FYCO1: variants seen among roughly 807,000 people sequenced by gnomAD.
FYCO1 encodes FYVE and coiled-coil domain autophagy adaptor 1.
A neutral mutation model predicts 165.1 loss-of-function variants in FYCO1; 122 were observed. The observed-to-expected ratio is 0.74, with a 90% confidence interval of 0.64 to 0.86. FYCO1 has a LOEUF of 0.86. Among genes scored for constraint, FYCO1 ranks in the 40% least tolerant of loss-of-function variants. FYCO1 has a pLI of 0.00. For synonymous variants in FYCO1, 648 were observed against 742.5 expected (o/e 0.87, Z 2.07); for missense variants, 1,702 against 1,810.3 (o/e 0.94, Z 1.09).
At chr3:45,922,671 G>T (rs932665671) in intron 17 of FYCO1, among the ~76,000 whole-genome samples, 1 of 152,166 alleles carries the variant, frequency 6.6e-6, no homozygotes, top group Non-Finnish European at 1.5e-5. Context: ...AGGGGCAGGA[G>T]GGGGTGAGGT....
In FYCO1 at chr3:45,967,168, C is replaced by T. The variant is rs771127410; in HGVS notation, c.2166G>A (p.Leu722=). Residue 722 remains leucine, a synonymous_variant, in exon 8 of 18, where the codon CTG becomes CTA. Coordinates refer to ENST00000296137, the MANE Select transcript of FYCO1 (RefSeq NM_024513.4). ...LREEVEQCQQ[L]AEARHRELRA... is the part of the protein sequence containing the mutation. Reference sequence around the variant, plus strand: ...TAAGCTCTCTGTGCCGGGCTTCTGCCAGTTGCTGGCACTGCTCCACCTCCT... The same window carrying T: ...TAAGCTCTCTGTGCCGGGCTTCTGCTAGTTGCTGGCACTGCTCCACCTCCT... The T allele has an allele frequency of 6.2e-7, 1 of 1,613,436 alleles. No individual in the cohort carries two copies. Among genetic ancestry groups the T allele is most frequent in the Non-Finnish European group, 8.5e-7 (1 of 1,179,494 alleles).
rs1702971688 is a variant in FYCO1, at chr3:45,918,084, T to C, written c.*3681A>G. ...TAATTCTTTGGCAGATAAGAATGAATTGGGGTCCCAGACCCACCATCCCGT... is the reference window on the plus strand; with the variant it reads ...TAATTCTTTGGCAGATAAGAATGAACTGGGGTCCCAGACCCACCATCCCGT... On this transcript the variant is annotated 3_prime_UTR_variant, in exon 18 of 18. Transcript: ENST00000296137. 1.3e-5 allele frequency: 2 copies of C among 152,614 alleles called. No individual in the cohort carries two copies. Among genetic ancestry groups the C allele is most frequent in the Admixed American group, 6.5e-5 (1 of 15,280 alleles). 9.5% of individuals were successfully genotyped at this position (152,614 alleles called of 1,614,324 possible).
rs1179173562 is a variant in FYCO1, at chr3:45,967,262, A to C, written c.2072T>G (p.Met691Arg). ...LLAVRKAKEA[M>R]KAQMAEKEAI... Reference sequence around the variant, plus strand: ...CTCCTTCTCTGCCATCTGGGCTTTCATGGCCTCCTTGGCCTTCCTTACAGC... The same window carrying C: ...CTCCTTCTCTGCCATCTGGGCTTTCCTGGCCTCCTTGGCCTTCCTTACAGC... The change falls in exon 8 of 18, where the codon ATG becomes AGG. Residue 691 changes from methionine to arginine, a missense_variant. Met to Arg is a moderately conservative substitution (Grantham distance 91). Transcript: ENST00000296137. The C allele has an allele frequency of 1.2e-6, 2 of 1,614,022 alleles. No homozygotes were observed. The highest frequency in any genetic ancestry group is 1.7e-6 in the Non-Finnish European group (2 of 1,180,000).
At position 45,967,041 on chromosome 3, in the gene FYCO1, G is replaced by A. The variant is rs372227118; in HGVS notation, c.2293C>T (p.Arg765Cys). 32 of 1,613,352 alleles carry A rather than the reference G, an allele frequency of 2.0e-5. No individual in the cohort carries two copies. Among genetic ancestry groups the A allele is most frequent in the South Asian group, 4.4e-5 (4 of 91,078 alleles). ...GVGPPTDNEARELAAQLALSQ... is the reference protein window; with the variant it reads ...GVGPPTDNEACELAAQLALSQ... Reference sequence around the variant, plus strand: ...AGGGCTAGCTGGGCAGCCAGCTCACGGGCTTCATTGTCAGTGGGTGGGCCA... The same window carrying A: ...AGGGCTAGCTGGGCAGCCAGCTCACAGGCTTCATTGTCAGTGGGTGGGCCA... The change falls in exon 8 of 18, where the codon CGT becomes TGT. Residue 765 changes from arginine (R) to cysteine (C), a missense_variant. Physicochemically the swap from Arg to Cys is radical, Grantham distance 180. Transcript: ENST00000296137.
In FYCO1 at chr3:45,936,681, G is replaced by A. The variant is rs576225940; in HGVS notation, c.3945-138C>T. 1.4e-4 allele frequency: 103 copies of A among 716,860 alleles called. No homozygotes were observed. The African/African-American group carries it at 1.6e-3, about 11-fold the overall frequency. The allele number at this position is 716,860 out of a possible 1,614,324, so 44.4% of individuals were successfully genotyped here. A position where few individuals can be genotyped will look rare whatever the true frequency, so the allele number is the denominator to read the frequency against. On this transcript the variant is annotated intron_variant, in intron 14 of 17. Transcript: ENST00000296137. ...TCCTTTAATCATAGAGGCCATGACA[G>A]AGACCCTGGCAGATTTTGTGGGTAG...
Position 45,968,214 on chromosome 3 carries a change from T to C in FYCO1, c.1120A>G (p.Met374Val). 1.9e-6 allele frequency: 3 copies of C among 1,614,032 alleles called. No individual in the cohort carries two copies. The highest frequency in any genetic ancestry group is 2.5e-6 in the Non-Finnish European group (3 of 1,180,032). The change falls in exon 8 of 18, where the codon ATG becomes GTG. Residue 374 changes from methionine (M) to valine (V), a missense_variant. Coordinates refer to ENST00000296137, the MANE Select transcript of FYCO1 (RefSeq NM_024513.4). ...HLASFPGWLAMAQQKADTASD... is the reference protein window; with the variant it reads ...HLASFPGWLAVAQQKADTASD... ...GCCGTATCTGCCTTCTGCTGAGCCA[T>C]GGCTAGCCAGCCTGGGAAGCTGGCT...
At chr3:45,952,156 G>A (rs1705069318) in intron 14 of FYCO1, among the ~76,000 whole-genome samples, 1 of 152,218 alleles carries the variant, frequency 6.6e-6, no homozygotes, top group African/African-American at 2.4e-5. Context: ...GAGGTCACGT[G>A]TAAGAGCAGC....
At chr3:45,936,339 T>C in intron 15 of FYCO1, 109 bp downstream of exon 15, 1 of 753,150 alleles carries the variant, frequency 1.3e-6, no homozygotes, top group Non-Finnish European at 2.4e-6. Flanking sequence ...GAAGCCCCAC[T>C]GGTATTAAGT....
rs764209557 is a variant in FYCO1 at position 45,923,688 on chromosome 3, G to C, written c.4329C>G (p.Ile1443Met). The change falls in exon 17 of 18, where the codon ATC becomes ATG. Residue 1443 changes from isoleucine to methionine, a missense_variant. Transcript: ENST00000296137. ...AGGTATTGTCGAAGATGAGCATGTA[G>C]ATGCCGGGTGTGCGAACCTTGAGCT... ...QGQLKVRTPG[I>M]YMLIFDNTFS... is the part of the protein sequence containing the mutation. 1 of 1,614,168 alleles carries C rather than the reference G, an allele frequency of 6.2e-7. No individual in the cohort carries two copies. The highest frequency in any genetic ancestry group is 8.5e-7 in the Non-Finnish European group (1 of 1,179,960).
At chr3:45,930,616 C>G (rs1315774891) in intron 16 of FYCO1, among the ~76,000 whole-genome samples, 1 of 152,196 alleles carries the variant, frequency 6.6e-6, no homozygotes, top group East Asian at 1.9e-4. Flanking sequence ...AGATTTCAAG[C>G]TCGACCACCC....
chr3:45,945,037 T>C (rs570624629), intron 14 of FYCO1: 1 of 152,294 alleles, frequency 6.6e-6, no homozygotes, highest in South Asian at 2.1e-4. Flanking sequence ...TAAGCAGTCT[T>C]AGCCCAAAGG....
rs141636907 is a variant in FYCO1, at chr3:45,925,695, C to A, written c.4252-1930G>T. ...AGGACTCTTGTGGTTTAATGGTGAT[C>A]ACAGAGAAGAAAACATTCAGTTACA... On this transcript the variant is annotated intron_variant, in intron 16 of 17. Coordinates refer to ENST00000296137, the MANE Select transcript of FYCO1 (RefSeq NM_024513.4). Among the ~76,000 whole-genome samples, 45 of 152,180 alleles carry A rather than the reference C, an allele frequency of 3.0e-4. No individual in the cohort carries two copies. In the East Asian group the frequency reaches 7.7e-3, roughly 26 times the overall value.
chr3:45,980,087 C>T (rs1462208727), intron 3 of FYCO1, among the ~76,000 whole-genome samples: 3 of 152,156 alleles, frequency 2.0e-5, no homozygotes, highest in African/African-American at 7.2e-5. Context: ...CGGTGGCTCA[C>T]GCTGGTAATC....
chr3:45,985,512 G>GA (rs1185400673), intron 1 of FYCO1, among the ~76,000 whole-genome samples: 1 of 152,204 alleles, frequency 6.6e-6, no homozygotes, highest in Non-Finnish European at 1.5e-5. Flanking sequence ...CTAGTTGGGG[G>GA]AGAGGATGAG....
intron 10 of FYCO1, among the ~76,000 whole-genome samples, chr3:45,963,645 C>T (rs908658330): frequency 6.6e-6 from 1 of 152,220 alleles, no homozygotes. Context: ...CTCCCTGCTA[C>T]ACCTTTTTAA....
At chr3:45,947,067 A>G in intron 14 of FYCO1, 2 of 1,614,206 alleles carry the variant, frequency 1.2e-6, no homozygotes, top group Non-Finnish European at 1.7e-6. Context: ...TGCCACCCAG[A>G]TGACACTGGG....
In FYCO1 at chr3:45,967,054, A is replaced by T. The variant is rs748256615; in HGVS notation, c.2280T>A (p.Thr760=). The part of the protein sequence containing the change: ...EKGQQGVGPP[T]DNEARELAAQ... ...CAGCCAGCTCACGGGCTTCATTGTC[A>T]GTGGGTGGGCCAACTCCCTGTTGGC... is the stretch of plus-strand genomic sequence containing the variant. The change falls in exon 8 of 18, where the codon ACT becomes ACA. Residue 760 remains threonine (T), a synonymous_variant. Coordinates refer to ENST00000296137, the MANE Select transcript of FYCO1 (RefSeq NM_024513.4). 4.5e-5 allele frequency: 72 copies of T among 1,613,494 alleles called. No individual in the cohort carries two copies. Among genetic ancestry groups the T allele is most frequent in the Non-Finnish European group, 5.9e-5 (70 of 1,179,986 alleles).
intron 14 of FYCO1, among the ~76,000 whole-genome samples, chr3:45,944,727 A>C (rs3774635): frequency 0.38 from 57,122 of 152,018 alleles, 11,686 homozygotes; most frequent in East Asian, 0.66. Context: ...TCCTTTGAGG[A>C]AATGTGTAAT....
intron 3 of FYCO1, 144 bp downstream of exon 3, chr3:45,981,426 G>A (rs1707048827): frequency 1.5e-6 from 1 of 689,656 alleles, no homozygotes; most frequent in African/African-American, 1.8e-5. Flanking sequence ...GCTGGCACTG[G>A]GGACTGCTCT....
Sources: gnomAD v4.1 joint callset for allele counts (sites outside exome capture counted in the v4.1 genomes callset) on GRCh38, gnomAD v4.1.1 for gene constraint, MANE v1.5 for transcripts, NCBI Gene and HGNC (gene_info 2026-07-23, HGNC 2026-07-21) for gene names.